Variants in MSI2 observed in about 807,000 individuals in gnomAD.
MSI2 encodes RNA-binding protein Musashi homolog 2.
A neutral mutation model predicts 45.6 loss-of-function variants in MSI2; 17 were observed. The observed-to-expected ratio is 0.37, with a 90% CI of 0.26 to 0.56. MSI2 has a LOEUF of 0.56. MSI2 is among the 20% of genes least tolerant of loss of function. The pLI, the probability that MSI2 is intolerant of heterozygous loss-of-function variation, is 0.77. For synonymous variants in MSI2, 156 were observed against 158.2 expected (o/e 0.99, Z 0.11); for missense variants, 293 against 444.2 (o/e 0.66, Z 3.06).
rs1017093624 is a variant in MSI2 at position 57,683,950 on chromosome 17, AAAGT to A, written c.*4440_*4443del. 1 of 230,040 alleles carries A rather than the reference AAAGT, an allele frequency of 4.3e-6. No individual in the cohort carries two copies. The highest frequency in any genetic ancestry group is 8.6e-6 in the Non-Finnish European group (1 of 116,090). 14.2% of individuals were successfully genotyped at this position (230,040 alleles called of 1,614,324 possible). A position where few individuals can be genotyped will look rare whatever the true frequency, so the allele number is the denominator to read the frequency against. On this transcript the variant is annotated 3_prime_UTR_variant, in exon 14 of 14. Coordinates refer to ENST00000284073, the MANE Select transcript of MSI2 (RefSeq NM_138962.4). This position sits in a 1 kb window ranked among gnomAD's most constrained non-coding sequence, Gnocchi z 5.2. ...TTCTTTCTTTTTTTTCTACCAAAAA[AAAGT>A]AAGTAAACTAAAACACAAAAACATA...
chr17:57,256,611 A>G lies in MSI2; in HGVS notation c.-132A>G. ...CTCCGCCGCTCGCAGAGAGATTCGG[A>G]GGAGCCCGGGCGGGGGGGAGGAGGA... On this transcript the variant is annotated 5_prime_UTR_variant, in exon 1 of 14. Coordinates refer to ENST00000284073, the MANE Select transcript of MSI2 (RefSeq NM_138962.4). 1 of 305,780 alleles carries G rather than the reference A, an allele frequency of 3.3e-6. No individual in the cohort carries two copies. 18.9% of individuals were successfully genotyped at this position (305,780 alleles called of 1,614,324 possible).
chr17:57,627,288 G>A lies in MSI2; in HGVS notation c.712G>A (p.Gly238Ser). ...RGYPGFAPSY[G>S]YQFPGFPAAA... is the part of the protein sequence containing the mutation. ...CTACCCCGGATTTGCTCCAAGCTATGGCTATCAGTTCCCAGGTGAGTGGCT... is the reference window on the plus strand; with the variant it reads ...CTACCCCGGATTTGCTCCAAGCTATAGCTATCAGTTCCCAGGTGAGTGGCT... Residue 238 changes from glycine (G) to serine (S), a missense_variant, in exon 10 of 14, where the codon GGC becomes AGC. Gly to Ser is a moderately conservative substitution (Grantham distance 56). Coordinates refer to ENST00000284073, the MANE Select transcript of MSI2 (RefSeq NM_138962.4). This position sits in a 1 kb window ranked among gnomAD's most constrained non-coding sequence, Gnocchi z 4.6. The A allele has an allele frequency of 6.2e-7, 1 of 1,614,206 alleles. No homozygotes were observed. The highest frequency in any genetic ancestry group is 1.3e-5 in the African/African-American group (1 of 75,048).
At chr17:57,478,553 T>C (rs866916484) in intron 6 of MSI2, among the ~76,000 whole-genome samples, 2 of 152,216 alleles carry the variant, frequency 1.3e-5, no homozygotes, top group Admixed American at 6.5e-5. Context: ...ATAGACAGAT[T>C]ACCACTGACG....
intron 7 of MSI2, among the ~76,000 whole-genome samples, chr17:57,539,920 G>A (rs2087006555): frequency 1.3e-5 from 2 of 152,170 alleles, no homozygotes; most frequent in Non-Finnish European, 2.9e-5. Context: ...ACACAGCGTG[G>A]CAAATGCAGA....
intron 6 of MSI2, among the ~76,000 whole-genome samples, chr17:57,456,254 AG>A (rs2085112267): frequency 1.3e-5 from 2 of 152,256 alleles, no homozygotes; most frequent in Non-Finnish European, 2.9e-5. Flanking sequence ...GGATGAGTCC[AG>A]GGCACTTGTA....
intron 7 of MSI2, among the ~76,000 whole-genome samples, chr17:57,549,338 A>G (rs1343057998): frequency 1.4e-5 from 2 of 146,302 alleles, no homozygotes; most frequent in Non-Finnish European, 3.0e-5. Flanking sequence ...TTTTGCAACA[A>G]ATGGGTTTAG....
intron 5 of MSI2, among the ~76,000 whole-genome samples, chr17:57,358,845 G>A (rs1916626988): frequency 6.6e-6 from 1 of 152,136 alleles, no homozygotes; most frequent in Admixed American, 6.5e-5. Context: ...TGAAATCGAA[G>A]ATGATATGTT....
intron 6 of MSI2, chr17:57,450,134 A>G (rs2084970151): frequency 1.3e-5 from 2 of 152,238 alleles, no homozygotes; most frequent in South Asian, 2.1e-4. Flanking sequence ...CCTTCAGTAA[A>G]TTCAACATTG....
rs978382618 is a variant in MSI2 at position 57,682,614 on chromosome 17, C to T, written c.*3097C>T. On this transcript the variant is annotated 3_prime_UTR_variant, in exon 14 of 14. Transcript: ENST00000284073. ...ACCTAGGTTTAAGGTTCACGTTAGT[C>T]CCCCCATTCCATCTAGAAGTCCATT... is the stretch of plus-strand genomic sequence containing the variant. 2 of 209,784 alleles carry T rather than the reference C, an allele frequency of 9.5e-6. No individual in the cohort carries two copies. The highest frequency in any genetic ancestry group is 7.2e-5 in the East Asian group (1 of 13,940). 13.0% of individuals were successfully genotyped at this position (209,784 alleles called of 1,614,324 possible).
intron 10 of MSI2, among the ~76,000 whole-genome samples, chr17:57,646,368 A>G (rs774295416): frequency 6.6e-6 from 1 of 152,178 alleles, no homozygotes; most frequent in Non-Finnish European, 1.5e-5. Context: ...CACAACTCCA[A>G]AAAGTCCAGC....
chr17:57,350,445 T>C (rs1327816568), intron 5 of MSI2, among the ~76,000 whole-genome samples: 1 of 152,154 alleles, frequency 6.6e-6, no homozygotes, highest in Non-Finnish European at 1.5e-5. Flanking sequence ...CTGGATGGCC[T>C]CTCCATGTGA....
intron 5 of MSI2, among the ~76,000 whole-genome samples, chr17:57,379,031 A>G (rs1420387031): frequency 1.3e-5 from 2 of 152,030 alleles, no homozygotes; most frequent in Non-Finnish European, 2.9e-5. Flanking sequence ...ACCTGGGTCT[A>G]TCTCGCTTTT....
intron 7 of MSI2, among the ~76,000 whole-genome samples, chr17:57,570,343 A>T (rs2087844834): frequency 6.6e-6 from 1 of 152,154 alleles, no homozygotes; most frequent in African/African-American, 2.4e-5. Flanking sequence ...GAGTGATTGC[A>T]GTAAAGCAGT....
chr17:57,539,112 G>T (rs117957046), intron 7 of MSI2, among the ~76,000 whole-genome samples: 6,793 of 151,992 alleles, frequency 0.045, 225 homozygotes, highest in Non-Finnish European at 0.068. Context: ...TTTTTTATGG[G>T]GAAGAGAATT....
intron 5 of MSI2, among the ~76,000 whole-genome samples, chr17:57,300,715 A>G (rs533188481): frequency 6.6e-6 from 1 of 152,204 alleles, no homozygotes; most frequent in Non-Finnish European, 1.5e-5. Flanking sequence ...GAGCATCACA[A>G]TCATGGTGGA....
chr17:57,571,918 C>T (rs1172085656), intron 7 of MSI2, among the ~76,000 whole-genome samples: 3 of 152,188 alleles, frequency 2.0e-5, no homozygotes. Flanking sequence ...CAAATGCCCA[C>T]TTCCCTCATG....
intron 11 of MSI2, among the ~76,000 whole-genome samples, chr17:57,669,944 A>G (rs1019730586): frequency 1.3e-5 from 2 of 152,198 alleles, no homozygotes; most frequent in African/African-American, 4.8e-5. Flanking sequence ...CACAAAGCAG[A>G]TGACTGAAAT....
chr17:57,418,710 G>A (rs1423019708), intron 6 of MSI2, among the ~76,000 whole-genome samples: 11 of 152,150 alleles, frequency 7.2e-5, no homozygotes, highest in Admixed American at 7.2e-4. Flanking sequence ...GGCCAAAGTG[G>A]GAACTTTTAT....
At chr17:57,633,065 T>A in intron 10 of MSI2, 6 of 1,036,310 alleles carry the variant, frequency 5.8e-6, no homozygotes, top group Non-Finnish European at 7.0e-6. Flanking sequence ...ACAAACGTTT[T>A]AGCCATTGTG....
Sources: gnomAD v4.1 joint callset for allele counts (sites outside exome capture counted in the v4.1 genomes callset) on GRCh38, gnomAD v4.1.1 for gene constraint, Gnocchi (gnomAD v3.1) non-coding constraint, MANE v1.5 for transcripts, NCBI Gene and HGNC (gene_info 2026-07-23, HGNC 2026-07-21) for gene names.